SDK1: variants seen among roughly 807,000 people sequenced by gnomAD.
The protein encoded by SDK1 is sidekick cell adhesion molecule 1.
SDK1 carries 157 observed loss-of-function variants against 245.5 expected under a neutral mutation model. The observed-to-expected ratio is 0.64, with a 90% CI of 0.56 to 0.73. The LOEUF (loss-of-function observed/expected upper bound fraction) is 0.73, where lower values mean the gene tolerates loss of function less well. Among genes scored for constraint, SDK1 ranks in the 30% least tolerant of loss-of-function variants. SDK1 has a pLI of 0.00. For synonymous variants in SDK1, 1,647 were observed against 1,278.5 expected (o/e 1.29, Z -6.15); for missense variants, 3,583 against 3,002.3 (o/e 1.19, Z -4.52).
chr7:3,388,507 C>A (rs1005338407), intron 1 of SDK1, among the ~76,000 whole-genome samples: 1 of 151,912 alleles, frequency 6.6e-6, no homozygotes, highest in African/African-American at 2.4e-5. Context: ...CTCAAGCGAT[C>A]CCCCCATCTT....
chr7:4,181,527 C>T (rs1782603110), intron 35 of SDK1, among the ~76,000 whole-genome samples: 1 of 152,132 alleles, frequency 6.6e-6, no homozygotes, highest in Non-Finnish European at 1.5e-5. Context: ...TGGCTTCTCC[C>T]TTCCCCACTG....
intron 35 of SDK1, among the ~76,000 whole-genome samples, chr7:4,194,987 A>C (rs1783495606): frequency 1.3e-5 from 2 of 152,230 alleles, no homozygotes; most frequent in South Asian, 4.1e-4. Flanking sequence ...CTGCTCTGAC[A>C]GCCCACAGTT....
chr7:3,562,653 A>G (rs780560067), intron 1 of SDK1, among the ~76,000 whole-genome samples: 72 of 152,210 alleles, frequency 4.7e-4, no homozygotes, highest in Non-Finnish European at 9.6e-4. Context: ...GTTATGATAA[A>G]GTATACATAA....
intron 1 of SDK1, among the ~76,000 whole-genome samples, chr7:3,391,359 A>C (rs1216729019): frequency 1.3e-5 from 2 of 152,098 alleles, no homozygotes; most frequent in Non-Finnish European, 2.9e-5. Context: ...TTAGGAACAC[A>C]CTTTGAATGT....
chr7:4,139,625 GTATATGTATA>G (rs1378706421), intron 28 of SDK1, among the ~76,000 whole-genome samples: 11 of 52,744 alleles, frequency 2.1e-4, no homozygotes, highest in South Asian at 6.9e-4. Context: ...ATGTGTGTGT[GTATATGTATA>G]TATGTGTGTG....
intron 1 of SDK1, among the ~76,000 whole-genome samples, chr7:3,395,057 A>G (rs1170034670): frequency 6.6e-6 from 1 of 152,058 alleles, no homozygotes; most frequent in African/African-American, 2.4e-5. Flanking sequence ...GAGAGTGGAC[A>G]TCTGTGCCTT....
chr7:4,060,463 C>T (rs975528981), intron 19 of SDK1, among the ~76,000 whole-genome samples: 1 of 151,998 alleles, frequency 6.6e-6, no homozygotes, highest in African/African-American at 2.4e-5. Flanking sequence ...CTGTTCATGT[C>T]CTTTGCCCAC....
rs531322042 is a variant in SDK1, at chr7:4,156,165, G to C, written c.4626-2283G>C. 6.7e-4 allele frequency among the ~76,000 whole-genome samples: 102 copies of C among 152,094 alleles called. 1 individual carries two copies. Among genetic ancestry groups the C allele is most frequent in the Non-Finnish European group, 1.3e-3 (88 of 68,022 alleles). ...GTAGAAGCCAGGCAGTTTGACTTTG[G>C]GGTCCACATTCCTGATGCCCACTCT... On this transcript the variant is annotated intron_variant, in intron 30 of 44. Transcript: ENST00000404826.
At chr7:4,118,861 A>C (rs1012507773) in intron 25 of SDK1, among the ~76,000 whole-genome samples, 3 of 148,864 alleles carry the variant, frequency 2.0e-5, no homozygotes, top group African/African-American at 7.4e-5. Flanking sequence ...TTTGTAGGAA[A>C]CATCTAGAAT....
At position 3,595,760 on chromosome 7, in the gene SDK1, G is replaced by A. The variant is rs146172050; in HGVS notation, c.299-23320G>A. 1.8e-4 allele frequency among the ~76,000 whole-genome samples: 26 copies of A among 147,686 alleles called. No homozygotes were observed. In the East Asian group the frequency reaches 2.2e-3, roughly 13 times the overall value. ...AGAGAATGGCATGAACCCGGGAGGC[G>A]GAGCTTGCAGTGAGCCCAGATAGTG... On this transcript the variant is annotated intron_variant, in intron 1 of 44. Coordinates refer to ENST00000404826, the MANE Select transcript of SDK1 (RefSeq NM_152744.4).
At chr7:3,688,690 A>C (rs1200634971) in intron 4 of SDK1, among the ~76,000 whole-genome samples, 1 of 152,152 alleles carries the variant, frequency 6.6e-6, no homozygotes, top group Non-Finnish European at 1.5e-5. Flanking sequence ...ATAGTATGTA[A>C]AGTATCTTCC....
chr7:4,017,487 A>G, intron 17 of SDK1, 135 bp downstream of exon 17: 2 of 675,958 alleles, frequency 3.0e-6, no homozygotes, highest in Non-Finnish European at 4.8e-6. Flanking sequence ...AAAATTCATC[A>G]CGTATTTAAT....
intron 4 of SDK1, among the ~76,000 whole-genome samples, chr7:3,809,820 C>G (rs909673259): frequency 2.6e-5 from 4 of 152,284 alleles, no homozygotes; most frequent in Non-Finnish European, 2.9e-5. Context: ...AGAAGGAATC[C>G]TGAGTGCCTC....
chr7:3,686,257 G>A (rs1784277879), intron 4 of SDK1, among the ~76,000 whole-genome samples: 1 of 152,148 alleles, frequency 6.6e-6, no homozygotes, highest in East Asian at 1.9e-4. Flanking sequence ...TGTATTTTTA[G>A]TAGAGACGGG....
rs1384821840 is a variant in SDK1, at chr7:4,079,537, G to C, written c.3277G>C (p.Gly1093Arg). The C allele has an allele frequency of 1.2e-6, 2 of 1,614,214 alleles. No individual in the cohort carries two copies. Among genetic ancestry groups the C allele is most frequent in the South Asian group, 1.1e-5 (1 of 91,082 alleles). ...PRSATLQFRP[G>R]YDGKTSISRW... ...CTCCGCCACCCTTCAGTTCCGGCCA[G>C]GCTATGACGGGAAAACGTCCATCTC... Residue 1093 changes from glycine (G) to arginine (R), a missense_variant, in exon 22 of 45, where the codon GGC (glycine) becomes CGC (arginine). Transcript: ENST00000404826.
chr7:3,988,259 C>T lies in SDK1; in HGVS notation c.2131+937C>T, dbSNP rs147744662. 4.4e-3 allele frequency among the ~76,000 whole-genome samples: 673 copies of T among 151,324 alleles called. 5 individuals carry two copies. The highest frequency in any genetic ancestry group is 0.015 in the African/African-American group (638 of 41,198). On this transcript the variant is annotated intron_variant, in intron 14 of 44. Transcript: ENST00000404826. The stretch of plus-strand genomic sequence containing the variant: ...ATGGTCCCCAATTCCTTTCCCTGGA[C>T]CCCAGCCCCCACCTCCACACCCCCT...
intron 1 of SDK1, among the ~76,000 whole-genome samples, chr7:3,325,314 C>G (rs1053924031): frequency 3.9e-5 from 6 of 152,018 alleles, no homozygotes; most frequent in South Asian, 2.1e-4. Flanking sequence ...AAGATCCTAA[C>G]CTTTATATTT....
Position 3,958,996 on chromosome 7 carries a change from A to G in SDK1, c.1216A>G (p.Ile406Val), listed in dbSNP as rs562904081. The change falls in exon 8 of 45, where the codon ATC (isoleucine) becomes GTC (valine). Residue 406 changes from isoleucine (I) to valine (V), a missense_variant. By Grantham distance (29) the Ile-to-Val change is conservative (BLOSUM62 3). Transcript: ENST00000404826. ...ISAEVEETVDIGCQAMGVPLP... is the reference protein window; with the variant it reads ...ISAEVEETVDVGCQAMGVPLP... ...AGCTGAAGTAGAAGAAACTGTGGAC[A>G]TCGGATGTCAAGCCATGGGTGAGTG... The G allele has an allele frequency of 8.1e-6, 13 of 1,613,984 alleles. No homozygotes were observed. The highest frequency in any genetic ancestry group is 1.7e-4 in the Middle Eastern group (1 of 6,060).
rs186304363 is a variant in SDK1 at position 3,365,935 on chromosome 7, A to T, written c.298+64051A>T. On this transcript the variant is annotated intron_variant, in intron 1 of 44. Coordinates refer to ENST00000404826, the MANE Select transcript of SDK1 (RefSeq NM_152744.4). ...GCACCGGTAATCCCAGCCACTTGGG[A>T]GGCTGAGGCAGGAGAATTGCTTGAA... is the stretch of plus-strand genomic sequence containing the variant. Among the ~76,000 whole-genome samples the T allele has an allele frequency of 1.4e-3, 216 of 152,052 alleles. 2 individuals carry two copies. The highest frequency in any genetic ancestry group is 6.8e-3 in the Middle Eastern group (2 of 294).
Sources: gnomAD v4.1 joint callset for allele counts (sites outside exome capture counted in the v4.1 genomes callset) on GRCh38, gnomAD v4.1.1 for gene constraint, MANE v1.5 for transcripts, NCBI Gene and HGNC (gene_info 2026-07-23, HGNC 2026-07-21) for gene names.